The following DNPEP variants were observed in gnomAD, a reference collection of about 807,000 sequenced individuals.
The protein encoded by DNPEP is aspartyl aminopeptidase.
DNPEP carries 46 observed loss-of-function variants against 59.1 expected under a neutral mutation model. The ratio of observed to expected loss-of-function variants is 0.78; its 90% CI spans 0.61 to 0.99. The LOEUF (loss-of-function observed/expected upper bound fraction) is 0.99. Among genes scored for constraint, DNPEP ranks in the 50% least tolerant of loss-of-function variants. The probability of loss-of-function intolerance (pLI) is 0.00; values close to 1 mark genes in which losing one functional copy is unlikely to be tolerated. For missense variants in DNPEP, 617 were observed against 649.9 expected (o/e 0.95, Z 0.55); for synonymous variants, 229 against 242.2 (o/e 0.95, Z 0.50).
At chr2:219,388,953 G>T, upstream of DNPEP, 1 of 852,238 alleles carries the variant, frequency 1.2e-6, no homozygotes, top group Non-Finnish European at 1.4e-6. Flanking sequence ...AAACGGCACA[G>T]GTGGGGTTTG....
chr2:219,381,241 C>T (rs542414675), intron 13 of DNPEP, 94 bp downstream of exon 13: 299 of 1,114,872 alleles, frequency 2.7e-4, no homozygotes, highest in Non-Finnish European at 1.3e-4. Context: ...CACTCAAGGC[C>T]ATCTACCAGG....
At chr2:219,395,411 T>C (rs73991528) in intron 1 of DNPEP, among the ~76,000 whole-genome samples, 17,390 of 152,206 alleles carry the variant, frequency 0.11, 2,764 homozygotes, top group African/African-American at 0.36. Context: ...CAAAGCGCCT[T>C]GATCCCCTGT....
In DNPEP at chr2:219,373,268, AT is replaced by A. The variant is rs1559327777; in HGVS notation, c.*1023del. On this transcript the variant is annotated 3_prime_UTR_variant, in exon 15 of 15. Transcript: ENST00000273075. ...TTTTTAGCAGGGACAGGGTTTCTCC[AT>A]GTTGGTCAGGCTGGTCTTGAACTCC... is the stretch of plus-strand genomic sequence containing the variant. Among the ~76,000 whole-genome samples, 1 of 151,720 alleles carries A rather than the reference AT, an allele frequency of 6.6e-6. No individual in the cohort carries two copies. Among genetic ancestry groups the A allele is most frequent in the Non-Finnish European group, 1.5e-5 (1 of 67,998 alleles).
chr2:219,380,842 T>TACACACACACACACACACACACACAC (rs58867229), intron 13 of DNPEP, among the ~76,000 whole-genome samples: 8,469 of 145,656 alleles, frequency 0.058, 338 homozygotes, highest in Middle Eastern at 0.1. Flanking sequence ...CATATATATG[T>TACACACACACACACACACACACACAC]ACACACACAC....
Position 219,374,374 on chromosome 2 carries a change from T to C in DNPEP, c.1408-32A>G, listed in dbSNP as rs751771762. ...TGGGAGGCAACATGGAGTTTGGAAT[T>C]AGTGAGTGACCAGATGGAGATGTCC... On this transcript the variant is annotated intron_variant, in intron 14 of 14. Transcript: ENST00000273075. The C allele has an allele frequency of 2.5e-6, 4 of 1,601,168 alleles. No individual in the cohort carries two copies. The Admixed American group carries it at 6.7e-5, about 27-fold the overall frequency.
chr2:219,381,467 T>C, intron 12 of DNPEP, 31 bp from the exon 13 acceptor site: 7 of 1,613,912 alleles, frequency 4.3e-6, no homozygotes, highest in Non-Finnish European at 5.9e-6. Context: ...GCAGAGGTAA[T>C]GACAGGCCCA....
intron 13 of DNPEP, among the ~76,000 whole-genome samples, chr2:219,377,753 C>T (rs1953431275): frequency 6.6e-6 from 1 of 151,950 alleles, no homozygotes; most frequent in Non-Finnish European, 1.5e-5. Context: ...GCAAGAACCC[C>T]ATTTTTACTA....
At chr2:219,374,833 G>C (rs758125703) in intron 14 of DNPEP, 22 bp downstream of exon 14, 8 of 1,603,528 alleles carry the variant, frequency 5.0e-6, no homozygotes. Flanking sequence ...AGCTGCCAGA[G>C]AGGGTCTGGG....
chr2:219,395,438 A>T (rs963730191), intron 1 of DNPEP, among the ~76,000 whole-genome samples: 1 of 152,200 alleles, frequency 6.6e-6, no homozygotes, highest in African/African-American at 2.4e-5. Flanking sequence ...CTTGTTCCAC[A>T]GGATGGGAAG....
intron 5 of DNPEP, 75 bp downstream of exon 5, chr2:219,386,211 T>G: frequency 6.2e-7 from 1 of 1,610,496 alleles, no homozygotes; most frequent in Non-Finnish European, 8.5e-7. Flanking sequence ...CCACCCCTCT[T>G]CCCCACGGGT....
chr2:219,397,490 C>G (rs1292761482), intron 1 of DNPEP, among the ~76,000 whole-genome samples: 2 of 152,128 alleles, frequency 1.3e-5, no homozygotes, highest in African/African-American at 4.8e-5. Context: ...TTCAGCCTTC[C>G]AAGTAGCCTC....
chr2:219,376,809 A>G (rs1953391675), intron 13 of DNPEP, among the ~76,000 whole-genome samples: 1 of 152,182 alleles, frequency 6.6e-6, no homozygotes, highest in South Asian at 2.1e-4. Context: ...TAGGGAACTC[A>G]TCACTTGTAT....
At position 219,386,689 on chromosome 2, in the gene DNPEP, G is replaced by T; in HGVS notation, c.309C>A (p.Ala103=). Reference sequence around the variant, plus strand: ...CCCGGAGGCAGGGGCTGTCCGTGTGGGCCCCGATGAGGCTGAAGCCATTGC... The same window carrying T: ...CCCGGAGGCAGGGGCTGTCCGTGTGTGCCCCGATGAGGCTGAAGCCATTGC... ...VPGNGFSLIG[A]HTDSPCLRVK... is the part of the protein sequence containing the mutation. Residue 103 remains alanine, a synonymous_variant, in exon 4 of 15, where the codon GCC becomes GCA. Coordinates refer to ENST00000273075, the MANE Select transcript of DNPEP (RefSeq NM_012100.4). The T allele has an allele frequency of 6.2e-7, 1 of 1,612,488 alleles. No individual in the cohort carries two copies. The highest frequency in any genetic ancestry group is 1.1e-5 in the South Asian group (1 of 90,520).
At chr2:219,388,615 C>T, upstream of DNPEP, 3 of 840,118 alleles carry the variant, frequency 3.6e-6, no homozygotes, top group Non-Finnish European at 4.3e-6. Context: ...CCTCTGCTGC[C>T]GCGGAGGTGC....
In DNPEP at chr2:219,385,287, G is replaced by A. The variant is rs938685418; in HGVS notation, c.774+137C>T. 12 of 615,040 alleles carry A rather than the reference G, an allele frequency of 2.0e-5. No individual in the cohort carries two copies. In the Admixed American group the frequency reaches 3.3e-4, roughly 17 times the overall value. The allele number at this position is 615,040 out of a possible 1,614,324, so 38.1% of individuals were successfully genotyped here. On this transcript the variant is annotated intron_variant, in intron 8 of 14. Transcript: ENST00000273075. ...AACCACCGCCCTAGAAGCAGTGGGG[G>A]ATGTGTCTACTGGGAAAAACGGGGA...
intron 13 of DNPEP, among the ~76,000 whole-genome samples, chr2:219,380,863 T>A (rs896719505): frequency 8.7e-4 from 7 of 8,030 alleles, no homozygotes; most frequent in Non-Finnish European, 1.9e-3. Context: ...ACACACACAC[T>A]GAGGAGAAAG....
chr2:219,383,999 G>A (rs1218982910), intron 9 of DNPEP, among the ~76,000 whole-genome samples: 1 of 152,198 alleles, frequency 6.6e-6, no homozygotes, highest in Non-Finnish European at 1.5e-5. Context: ...GGGGAGTGGC[G>A]TAGGAAGCAG....
chr2:219,375,506 T>C (rs1286866420), intron 13 of DNPEP, among the ~76,000 whole-genome samples: 16 of 152,156 alleles, frequency 1.1e-4, no homozygotes, highest in Admixed American at 1.0e-3. Context: ...AAGAATAATT[T>C]TATGAATAAG....
chr2:219,375,147 A>T lies in DNPEP; in HGVS notation c.1240-125T>A. Reference sequence around the variant, plus strand: ...GATGGTCCATTCGGAGCATAAAATCAAAGCCAATGCTAAATGGCAGACCCC... The same window carrying T: ...GATGGTCCATTCGGAGCATAAAATCTAAGCCAATGCTAAATGGCAGACCCC... On this transcript the variant is annotated intron_variant, in intron 13 of 14. Coordinates refer to ENST00000273075, the MANE Select transcript of DNPEP (RefSeq NM_012100.4). 4.0e-6 allele frequency: 4 copies of T among 1,008,972 alleles called. No homozygotes were observed. In the South Asian group the frequency reaches 6.3e-5, roughly 16 times the overall value. The allele number at this position is 1,008,972 out of a possible 1,614,324, so 62.5% of individuals were successfully genotyped here.
Sources: allele counts gnomAD v4.1 joint callset (sites outside exome capture counted in the v4.1 genomes callset), GRCh38; gene constraint gnomAD v4.1.1; transcripts MANE v1.5; gene names NCBI Gene and HGNC (gene_info 2026-07-23, HGNC 2026-07-21).